The following MRPL30 variants were observed in gnomAD, a reference collection of about 807,000 sequenced individuals.
MRPL30 encodes the protein mitochondrial ribosomal protein L30, also known as large ribosomal subunit protein uL30m.
MRPL30 carries 10 observed loss-of-function variants against 17.2 expected under a neutral mutation model. The ratio of observed to expected loss-of-function variants is 0.58; its 90% CI spans 0.36 to 0.99. MRPL30 has a LOEUF of 0.99. Among genes scored for constraint, MRPL30 ranks in the 50% least tolerant of loss-of-function variants. The probability of loss-of-function intolerance (pLI) is 0.01; values close to 1 mark genes in which losing one functional copy is unlikely to be tolerated. For synonymous variants in MRPL30, 61 were observed against 62.1 expected (o/e 0.98, Z 0.08); for missense variants, 170 against 189.8 (o/e 0.90, Z 0.61).
chr2:99,192,255 A>T (rs1201555700), intron 3 of MRPL30, among the ~76,000 whole-genome samples: 1 of 152,120 alleles, frequency 6.6e-6, no homozygotes, highest in African/African-American at 2.4e-5. Flanking sequence ...CTGTTTAGTA[A>T]TATAATATGA....
chr2:99,187,220 A>G (rs1395993347), intron 2 of MRPL30, among the ~76,000 whole-genome samples: 1 of 152,220 alleles, frequency 6.6e-6, no homozygotes, highest in African/African-American at 2.4e-5. Context: ...CTGGGAGGGA[A>G]TGATGGGAAT....
rs779670647 is a variant in MRPL30, at chr2:99,195,570, C to G, written c.354-3C>G. ...TATCTAAACGCATTTTCTTGTGTCA[C>G]AGAATCAAGCCCTTGAAGTTGCCAC... On this transcript the variant is annotated splice_polypyrimidine_tract_variant and splice_region_variant and intron_variant, in intron 5 of 5. Coordinates refer to ENST00000338148, the MANE Select transcript of MRPL30 (RefSeq NM_145212.4). The G allele has an allele frequency of 4.4e-6, 7 of 1,594,038 alleles. No individual in the cohort carries two copies. Among genetic ancestry groups the G allele is most frequent in the Non-Finnish European group, 6.0e-6 (7 of 1,175,130 alleles).
Position 99,194,897 on chromosome 2 carries a change from A to G in MRPL30, c.279A>G (p.Lys93=). ...KDIIKMLGLE[K]AHTPQVHKNI... ...TAATAAAGATGCTTGGATTAGAAAAAGTATGCAATTATTTTAATCATCTTT... is the reference window on the plus strand; with the variant it reads ...TAATAAAGATGCTTGGATTAGAAAAGGTATGCAATTATTTTAATCATCTTT... Residue 93 remains lysine, a splice_region_variant and synonymous_variant, in exon 4 of 6, where the codon AAA becomes AAG. Coordinates refer to ENST00000338148, the MANE Select transcript of MRPL30 (RefSeq NM_145212.4). The G allele has an allele frequency of 3.2e-6, 5 of 1,561,454 alleles. No individual in the cohort carries two copies. The highest frequency in any genetic ancestry group is 4.3e-6 in the Non-Finnish European group (5 of 1,157,664).
At chr2:99,188,931 T>A (rs1256252751) in intron 3 of MRPL30, among the ~76,000 whole-genome samples, 1 of 152,166 alleles carries the variant, frequency 6.6e-6, no homozygotes, top group Non-Finnish European at 1.5e-5. Context: ...GCACTACTGA[T>A]CTCAAGTGAT....
chr2:99,190,885 C>A (rs1004941967), intron 3 of MRPL30, among the ~76,000 whole-genome samples: 2 of 152,114 alleles, frequency 1.3e-5, no homozygotes, highest in African/African-American at 2.4e-5. Context: ...ATGTAACAAA[C>A]CTGCACATCC....
At chr2:99,181,911 C>T (rs1052302330) in intron 1 of MRPL30, among the ~76,000 whole-genome samples, 2 of 151,918 alleles carry the variant, frequency 1.3e-5, no homozygotes, top group Non-Finnish European at 2.9e-5. Context: ...AAGTGTTTTT[C>T]CCCCTTTAAT....
chr2:99,185,732 G>C, intron 1 of MRPL30: 1 of 432,546 alleles, frequency 2.3e-6, no homozygotes, highest in Non-Finnish European at 4.7e-6. Context: ...TTGATAGCTG[G>C]ATGCACTTGG....
In MRPL30 at chr2:99,198,359, GGTT is replaced by G. The variant is rs2093958425; in HGVS notation, c.*2659_*2661del. ...AGGGATCTGCTCCCAAGCACTCTCAGGTTGTTGGCAGAATTTGTTTCCTTATGG... is the reference window on the plus strand; with the variant it reads ...AGGGATCTGCTCCCAAGCACTCTCAGGTTGGCAGAATTTGTTTCCTTATGG... On this transcript the variant is annotated 3_prime_UTR_variant, in exon 6 of 6. Coordinates refer to ENST00000338148, the MANE Select transcript of MRPL30 (RefSeq NM_145212.4). Among the ~76,000 whole-genome samples, 1 of 152,234 alleles carries G rather than the reference GGTT, an allele frequency of 6.6e-6. No homozygotes were observed. The highest frequency in any genetic ancestry group is 2.4e-5 in the African/African-American group (1 of 41,464).
chr2:99,185,825 G>A (rs372682548), intron 1 of MRPL30: 2 of 444,418 alleles, frequency 4.5e-6, no homozygotes, highest in South Asian at 1.6e-5. Flanking sequence ...ATAGGAGTTG[G>A]AATTTCTTCA....
rs1287791287 is a variant in MRPL30 at position 99,194,795 on chromosome 2, T to G, written c.177T>G (p.Asp59Glu). The change falls in exon 4 of 6, where the codon GAT (aspartate) becomes GAG (glutamate). Residue 59 changes from aspartate (D) to glutamate (E), a missense_variant. Asp to Glu is a conservative substitution (Grantham distance 45). Transcript: ENST00000338148. Reference protein sequence around the residue: ...SPEDHEKYGGDPQNPHKLHIV... With the variant: ...SPEDHEKYGGEPQNPHKLHIV... ...AAGATCATGAAAAATACGGTGGGGA[T>G]CCACAGAACCCTCATAAACTGCATA... The G allele has an allele frequency of 6.3e-7, 1 of 1,597,594 alleles. No homozygotes were observed. The highest frequency in any genetic ancestry group is 1.8e-5 in the Admixed American group (1 of 55,128).
rs769061642 is a variant in MRPL30, at chr2:99,194,857, A to G, written c.239A>G (p.Tyr80Cys). Residue 80 changes from tyrosine (Y) to cysteine (C), a missense_variant, in exon 4 of 6, where the codon TAT becomes TGT. Tyr to Cys is a radical substitution (Grantham distance 194, BLOSUM62 -2). Coordinates refer to ENST00000338148, the MANE Select transcript of MRPL30 (RefSeq NM_145212.4). ...TRIKSTRRRP[Y>C]WEKDIIKMLG... is the part of the protein sequence containing the mutation. The stretch of plus-strand genomic sequence containing the variant: ...ATAAAAAGTACAAGAAGACGTCCAT[A>G]TTGGGAAAAAGATATAATAAAGATG... 6.3e-7 allele frequency: 1 copy of G among 1,588,252 alleles called. No homozygotes were observed. Among genetic ancestry groups the G allele is most frequent in the Non-Finnish European group, 8.6e-7 (1 of 1,169,384 alleles).
At position 99,194,787 on chromosome 2, in the gene MRPL30, G is replaced by C; in HGVS notation, c.169G>C (p.Gly57Arg). Residue 57 changes from glycine to arginine, a missense_variant, in exon 4 of 6, where the codon GGT becomes CGT. By Grantham distance (125) the Gly-to-Arg change is moderately radical. Coordinates refer to ENST00000338148, the MANE Select transcript of MRPL30 (RefSeq NM_145212.4). The part of the protein sequence containing the change: ...QASPEDHEKY[G>R]GDPQNPHKLH... ...CTCACCTGAAGATCATGAAAAATAC[G>C]GTGGGGATCCACAGAACCCTCATAA... 1 of 1,594,398 alleles carries C rather than the reference G, an allele frequency of 6.3e-7. No homozygotes were observed. The highest frequency in any genetic ancestry group is 8.5e-7 in the Non-Finnish European group (1 of 1,174,630).
intron 2 of MRPL30, chr2:99,186,791 T>G (rs1025866236): frequency 1.3e-5 from 2 of 152,368 alleles, no homozygotes; most frequent in Non-Finnish European, 2.9e-5. Flanking sequence ...TAGGTTGTTT[T>G]TCCCCTTAGA....
Position 99,195,137 on chromosome 2 carries a change from A to G in MRPL30, c.301A>G (p.Lys101Glu). ...LEKAHTPQVH[K>E]NIPSVNAKLK... is the part of the protein sequence containing the mutation. ...ACAGGCACATACCCCTCAAGTTCAC[A>G]AGAATATCCCTTCAGTGAATGCAAA... Residue 101 changes from lysine to glutamate, a missense_variant, in exon 5 of 6, where the codon AAG becomes GAG. By Grantham distance (56) the Lys-to-Glu change is moderately conservative (BLOSUM62 1). Coordinates refer to ENST00000338148, the MANE Select transcript of MRPL30 (RefSeq NM_145212.4). 6.2e-7 allele frequency: 1 copy of G among 1,602,516 alleles called. No individual in the cohort carries two copies. The highest frequency in any genetic ancestry group is 8.5e-7 in the Non-Finnish European group (1 of 1,176,692).
At chr2:99,190,045 A>G (rs867162151) in intron 3 of MRPL30, among the ~76,000 whole-genome samples, 2 of 152,054 alleles carry the variant, frequency 1.3e-5, no homozygotes, top group African/African-American at 4.8e-5. Context: ...GGATTGCTCA[A>G]TCTCAAGAGG....
intron 3 of MRPL30, 80 bp from the exon 4 acceptor site, chr2:99,194,671 G>C (rs780781966): frequency 7.9e-7 from 1 of 1,263,088 alleles, no homozygotes; most frequent in Non-Finnish European, 1.1e-6. Context: ...GTATGTGTGT[G>C]TGTCTTTTAA....
At chr2:99,188,342 T>TTTTA (rs1332286463) in intron 3 of MRPL30, 85 bp downstream of exon 3, 1 of 1,016,428 alleles carries the variant, frequency 9.8e-7, no homozygotes, top group Non-Finnish European at 1.4e-6. Context: ...TATTGGAAGA[T>TTTTA]TTTATGTTAA....
chr2:99,196,324 A>C lies in MRPL30; in HGVS notation c.*619A>C, dbSNP rs2093955226. ...GTATTGTTGTTGTTGTTTTTGAGAC[A>C]GGGTCTTGCTCTGTCACCCAAGCTG... On this transcript the variant is annotated 3_prime_UTR_variant, in exon 6 of 6. Coordinates refer to ENST00000338148, the MANE Select transcript of MRPL30 (RefSeq NM_145212.4). 6.5e-6 allele frequency: 1 copy of C among 152,800 alleles called. No individual in the cohort carries two copies. Among genetic ancestry groups the C allele is most frequent in the Non-Finnish European group, 1.5e-5 (1 of 68,546 alleles). The allele number at this position is 152,800 out of a possible 1,614,324, so 9.5% of individuals were successfully genotyped here. A position where few individuals can be genotyped will look rare whatever the true frequency, so the allele number is the denominator to read the frequency against.
At chr2:99,193,457 A>T (rs2105248458) in intron 3 of MRPL30, among the ~76,000 whole-genome samples, 1 of 152,182 alleles carries the variant, frequency 6.6e-6, no homozygotes. Context: ...TTTTTTTCTA[A>T]ATCTGCTTCC....
Sources: gnomAD v4.1 joint callset for allele counts (sites outside exome capture counted in the v4.1 genomes callset) on GRCh38, gnomAD v4.1.1 for gene constraint, MANE v1.5 for transcripts, NCBI Gene and HGNC (gene_info 2026-07-23, HGNC 2026-07-21) for gene names.